The following PXDN variants were observed in gnomAD, a reference collection of about 807,000 sequenced individuals.
The protein encoded by PXDN is peroxidasin homolog.
Under a neutral mutation model 140.3 loss-of-function variants are expected in PXDN, and 77 were observed. That is an observed-to-expected ratio of 0.55 (90% CI 0.46 to 0.66). PXDN has a LOEUF of 0.66. Ranked by LOEUF, PXDN falls within the 30% of genes least tolerant of loss-of-function variation. The pLI is 0.00. For missense variants in PXDN, 1,838 were observed against 2,039.5 expected (o/e 0.90, Z 1.90); for synonymous variants, 911 against 857.4 (o/e 1.06, Z -1.09).
At chr2:1,689,240 C>T (rs1684132663) in intron 3 of PXDN, among the ~76,000 whole-genome samples, 1 of 152,186 alleles carries the variant, frequency 6.6e-6, no homozygotes, top group Non-Finnish European at 1.5e-5. Context: ...GGCCCCTGCA[C>T]ACATTAACCA....
chr2:1,698,695 C>G (rs1684352197), intron 1 of PXDN, among the ~76,000 whole-genome samples: 1 of 152,166 alleles, frequency 6.6e-6, no homozygotes, highest in South Asian at 2.1e-4. Flanking sequence ...GGTTAATCCT[C>G]CCTGGTAGAA....
At position 1,638,857 on chromosome 2, in the gene PXDN, G is replaced by T. The variant is rs745977005; in HGVS notation, c.4195C>A (p.Leu1399Ile). 33 of 1,613,884 alleles carry T rather than the reference G, an allele frequency of 2.0e-5. No homozygotes were observed. The highest frequency in any genetic ancestry group is 3.3e-5 in the South Asian group (3 of 91,094). The change falls in exon 21 of 23, where the codon CTC becomes ATC. Residue 1399 changes from leucine (L) to isoleucine (I), a missense_variant. By Grantham distance (5) the Leu-to-Ile change is conservative (BLOSUM62 2). Coordinates refer to ENST00000252804, the MANE Select transcript of PXDN (RefSeq NM_012293.3). Reference protein sequence around the residue: ...VLEMQKTITDLRTQIKKLESR... With the variant: ...VLEMQKTITDIRTQIKKLESR... ...GCCAGGCACCTCACCTGTGTTCTGA[G>T]GTCTGTGATGGTCTTCTGCATTTCC...
rs74680725 is a variant in PXDN, at chr2:1,655,719, G to A, written c.1838-1211C>T. Among the ~76,000 whole-genome samples the A allele has an allele frequency of 1.0e-3, 106 of 104,704 alleles. No individual in the cohort carries two copies. The East Asian group carries it at 0.023, about 22-fold the overall frequency. 68.7% of individuals were successfully genotyped at this position (104,704 alleles called of 152,430 possible). ...TCCTGACTGAAACCTGCCCCCTCCT[G>A]ACTGAAACATGCCCCCTTCAGACAG... On this transcript the variant is annotated intron_variant, in intron 14 of 22. Transcript: ENST00000252804.
rs1291582958 is a variant in PXDN at position 1,649,443 on chromosome 2, C to G, written c.2337G>C (p.Arg779=). ...SVYENGFNTP[R]GINPHRLYNG... is the part of the protein sequence containing the mutation. ...TGTACAGTCGGTGGGGGTTGATGCC[C>G]CGAGGGGTGTTGAAGCCATTCTCGT... Residue 779 remains arginine (R), a synonymous_variant, in exon 17 of 23, where the codon CGG becomes CGC. Transcript: ENST00000252804. The surrounding 1 kb of genome is among the most constrained non-coding windows in gnomAD (Gnocchi z 7.1). 6.2e-7 allele frequency: 1 copy of G among 1,613,936 alleles called. No individual in the cohort carries two copies. The highest frequency in any genetic ancestry group is 2.2e-5 in the East Asian group (1 of 44,856).
chr2:1,642,451 T>C (rs1682750383), intron 19 of PXDN, among the ~76,000 whole-genome samples: 1 of 152,210 alleles, frequency 6.6e-6, no homozygotes, highest in South Asian at 2.1e-4. Context: ...CTACCAAGTG[T>C]CCACAGACAC....
chr2:1,646,707 A>C (rs1020948327), intron 17 of PXDN, among the ~76,000 whole-genome samples: 1 of 152,206 alleles, frequency 6.6e-6, no homozygotes, highest in East Asian at 1.9e-4. Context: ...TAAGTAACTT[A>C]GGAGTCAACT....
chr2:1,696,046 G>A, intron 1 of PXDN, among the ~76,000 whole-genome samples: 1 of 152,218 alleles, frequency 6.6e-6, no homozygotes. Context: ...CTGAGAGGTA[G>A]CCAGTGTTGA....
At position 1,648,119 on chromosome 2, in the gene PXDN, G is replaced by T. The variant is rs1682896057; in HGVS notation, c.3608+53C>A. 6.4e-7 allele frequency: 1 copy of T among 1,566,978 alleles called. No homozygotes were observed. The highest frequency in any genetic ancestry group is 1.7e-5 in the Admixed American group (1 of 57,854). On this transcript the variant is annotated intron_variant, in intron 17 of 22. Transcript: ENST00000252804. This position sits in a 1 kb window ranked among gnomAD's most constrained non-coding sequence, Gnocchi z 8.9. ...AAATAACACACACACCACAGTTCAGGTGTTCCAGGTGCCTAGGTACACGAG... is the reference window on the plus strand; with the variant it reads ...AAATAACACACACACCACAGTTCAGTTGTTCCAGGTGCCTAGGTACACGAG...
chr2:1,634,739 C>T (rs2125399489), intron 22 of PXDN, among the ~76,000 whole-genome samples: 1 of 152,274 alleles, frequency 6.6e-6, no homozygotes, highest in Middle Eastern at 3.4e-3. Context: ...TTGCTCTTCC[C>T]CGGTCTGCCC....
At chr2:1,729,313 A>G (rs1368624172) in intron 1 of PXDN, among the ~76,000 whole-genome samples, 4 of 152,196 alleles carry the variant, frequency 2.6e-5, no homozygotes, top group Admixed American at 2.0e-4. Context: ...TCCCGGGGTC[A>G]GAGACGGTGC....
At chr2:1,720,926 G>C (rs1190014123) in intron 1 of PXDN, among the ~76,000 whole-genome samples, 1 of 152,118 alleles carries the variant, frequency 6.6e-6, no homozygotes, top group Non-Finnish European at 1.5e-5. Context: ...CAGCCCCGGG[G>C]AAGCATGGTA....
chr2:1,679,600 CGTGTGT>C (rs147685088), intron 7 of PXDN, among the ~76,000 whole-genome samples: 90 of 65,092 alleles, frequency 1.4e-3, no homozygotes, highest in Middle Eastern at 0.013. Context: ...CGTGTATGTG[CGTGTGT>C]GTGTGTGTGG....
chr2:1,692,875 G>T lies in PXDN; in HGVS notation c.272+188C>A, dbSNP rs961849042. On this transcript the variant is annotated intron_variant, in intron 2 of 22. Coordinates refer to ENST00000252804, the MANE Select transcript of PXDN (RefSeq NM_012293.3). ...ACAGACAGGCACACAGCCATGAGAC[G>T]AGAAACACAGTGGCCACAGTCCTGG... Among the ~76,000 whole-genome samples, 3 of 152,162 alleles carry T rather than the reference G, an allele frequency of 2.0e-5. No individual in the cohort carries two copies. In the East Asian group the frequency reaches 5.8e-4, roughly 29 times the overall value.
intron 1 of PXDN, 41 bp downstream of exon 1, chr2:1,744,215 G>A (rs1221059774): frequency 2.8e-6 from 4 of 1,433,870 alleles, no homozygotes; most frequent in Non-Finnish European, 3.7e-6. Flanking sequence ...TCTCCACGAA[G>A]CCCCGGACCC....
At chr2:1,634,963 C>T (rs912187249) in intron 22 of PXDN, among the ~76,000 whole-genome samples, 2 of 150,478 alleles carry the variant, frequency 1.3e-5, no homozygotes, top group African/African-American at 5.0e-5. Flanking sequence ...GCAGGGACTC[C>T]AGTGACCTCT....
chr2:1,703,540 G>A (rs901964697), intron 1 of PXDN, among the ~76,000 whole-genome samples: 4 of 28,656 alleles, frequency 1.4e-4, no homozygotes, highest in Non-Finnish European at 1.9e-4. Flanking sequence ...AGCTCCAGGT[G>A]AAGGGGGGGC....
At chr2:1,647,178 G>A (rs61256182) in intron 17 of PXDN, among the ~76,000 whole-genome samples, 37,197 of 152,078 alleles carry the variant, frequency 0.24, 4,994 homozygotes, top group South Asian at 0.33. Flanking sequence ...ATAGGCATGA[G>A]CCACCGGGCC....
chr2:1,725,493 T>G (rs1039150004), intron 1 of PXDN, among the ~76,000 whole-genome samples: 2 of 151,818 alleles, frequency 1.3e-5, no homozygotes, highest in East Asian at 1.9e-4. Context: ...AACCTAGGCA[T>G]TACCATTCAG....
chr2:1,683,505 A>G (rs915391624), intron 6 of PXDN, 151 bp downstream of exon 6: 33 of 754,964 alleles, frequency 4.4e-5, no homozygotes, highest in Non-Finnish European at 6.5e-5. Context: ...TTTGCTCTCT[A>G]ATGGATTCAA....
Sources: gnomAD v4.1 joint callset for allele counts (sites outside exome capture counted in the v4.1 genomes callset) on GRCh38, gnomAD v4.1.1 for gene constraint, Gnocchi (gnomAD v3.1) non-coding constraint, MANE v1.5 for transcripts, NCBI Gene and HGNC (gene_info 2026-07-23, HGNC 2026-07-21) for gene names.